Variants in KDM4C observed in about 807,000 individuals in gnomAD.
KDM4C encodes lysine-specific demethylase 4C.
Under a neutral mutation model 129.3 loss-of-function variants are expected in KDM4C, and 81 were observed. That is an observed-to-expected ratio of 0.63 (90% CI 0.52 to 0.75). KDM4C has a LOEUF of 0.75. Ranked by LOEUF, KDM4C falls within the 30% of genes least tolerant of loss-of-function variation. The probability of loss-of-function intolerance (pLI) is 0.00; values close to 1 mark genes in which losing one functional copy is unlikely to be tolerated. For missense variants in KDM4C, 1,457 were observed against 1,304.0 expected, an observed-to-expected ratio of 1.12 and a Z score of -1.81; for synonymous variants, 573 against 456.1, an observed-to-expected ratio of 1.26 and a Z score of -3.26.
At chr9:6,997,573 T>A (rs1303172267) in intron 12 of KDM4C, among the ~76,000 whole-genome samples, 2 of 152,232 alleles carry the variant, frequency 1.3e-5, no homozygotes, top group Non-Finnish European at 2.9e-5. Flanking sequence ...CTCTGGGGCA[T>A]CTGGCACAAG....
chr9:6,724,514 ATATTAT>A (rs1180085719), intron 1 of KDM4C, among the ~76,000 whole-genome samples: 2 of 150,962 alleles, frequency 1.3e-5, no homozygotes, highest in Admixed American at 6.6e-5. Context: ...TAAACTGGAC[ATATTAT>A]TATTATTGTT....
chr9:6,970,876 A>G (rs1831864937), intron 8 of KDM4C, among the ~76,000 whole-genome samples: 1 of 147,750 alleles, frequency 6.8e-6, no homozygotes, highest in Non-Finnish European at 1.5e-5. Flanking sequence ...GGATGAACCA[A>G]AACCGAAATG....
At chr9:6,725,225 G>C (rs556381594) in intron 1 of KDM4C, among the ~76,000 whole-genome samples, 34 of 152,160 alleles carry the variant, frequency 2.2e-4, no homozygotes, top group Admixed American at 1.8e-3. Flanking sequence ...GCATGTTGCA[G>C]GGGTAGAGCG....
chr9:7,027,696 C>T (rs1011545018), intron 15 of KDM4C, among the ~76,000 whole-genome samples: 1 of 152,154 alleles, frequency 6.6e-6, no homozygotes, highest in African/African-American at 2.4e-5. Flanking sequence ...TTGTTGTGGG[C>T]CCAGGTGCGT....
chr9:6,932,894 G>C (rs1824020507), intron 8 of KDM4C, among the ~76,000 whole-genome samples: 3 of 152,200 alleles, frequency 2.0e-5, no homozygotes, highest in Admixed American at 2.0e-4. Flanking sequence ...CAATCATGTA[G>C]AGATTGAGGA....
At chr9:7,032,565 A>G (rs1402239580) in intron 15 of KDM4C, among the ~76,000 whole-genome samples, 1 of 152,168 alleles carries the variant, frequency 6.6e-6, no homozygotes, top group Non-Finnish European at 1.5e-5. Context: ...CTTTATTTCC[A>G]CAGAACTTGA....
chr9:6,831,133 G>A (rs1178962612), intron 4 of KDM4C, among the ~76,000 whole-genome samples: 1 of 152,128 alleles, frequency 6.6e-6, no homozygotes, highest in African/African-American at 2.4e-5. Flanking sequence ...CTAGTCAGTG[G>A]GGGAAGCGGG....
intron 17 of KDM4C, among the ~76,000 whole-genome samples, chr9:7,073,998 C>G (rs916201537): frequency 6.6e-5 from 10 of 152,270 alleles, no homozygotes; most frequent in African/African-American, 2.2e-4. Flanking sequence ...TTAGCATTGA[C>G]AGCTTTTAAA....
chr9:6,763,410 TC>T (rs1273188282), intron 1 of KDM4C, among the ~76,000 whole-genome samples: 5 of 152,184 alleles, frequency 3.3e-5, no homozygotes, highest in African/African-American at 1.2e-4. Context: ...GTTCTCTCAA[TC>T]CTGCACACTG....
intron 8 of KDM4C, among the ~76,000 whole-genome samples, chr9:6,916,274 G>A (rs971516052): frequency 2.0e-5 from 3 of 152,042 alleles, no homozygotes; most frequent in Non-Finnish European, 2.9e-5. Flanking sequence ...GGGAGCCTAT[G>A]AGCATTTTAA....
intron 18 of KDM4C, among the ~76,000 whole-genome samples, chr9:7,109,798 A>T (rs1362521241): frequency 2.0e-5 from 3 of 152,094 alleles, no homozygotes; most frequent in African/African-American, 7.2e-5. Flanking sequence ...TTCTAATTTT[A>T]AACCACTTTT....
chr9:6,764,680 A>G (rs950710600), intron 1 of KDM4C, among the ~76,000 whole-genome samples: 4 of 152,216 alleles, frequency 2.6e-5, no homozygotes, highest in Non-Finnish European at 5.9e-5. Context: ...GCTACTGCAT[A>G]AAGCCTCAAA....
Position 6,810,828 on chromosome 9 carries a change from A to T in KDM4C, c.321-3803A>T, listed in dbSNP as rs150539329. On this transcript the variant is annotated intron_variant, in intron 3 of 21. Coordinates refer to ENST00000381309, the MANE Select transcript of KDM4C (RefSeq NM_015061.6). ...TGAGGCTTCAGTGAGTTGTGATTGC[A>T]CCATTGCCCCCGAGCCTGGGTGACA... Among the ~76,000 whole-genome samples, 1,522 of 152,234 alleles carry T rather than the reference A, an allele frequency of 1.0e-2. 15 individuals carry two copies. The highest frequency in any genetic ancestry group is 0.031 in the African/African-American group (1,281 of 41,540).
intron 4 of KDM4C, among the ~76,000 whole-genome samples, chr9:6,832,428 CTT>C (rs758428561): frequency 9.0e-5 from 12 of 133,732 alleles, no homozygotes; most frequent in Non-Finnish European, 1.5e-4. Flanking sequence ...TCTTTTTTTT[CTT>C]TTTTTTTTTT....
At chr9:6,734,992 T>C (rs1563917156) in intron 1 of KDM4C, 1 of 560,414 alleles carries the variant, frequency 1.8e-6, no homozygotes, top group Non-Finnish European at 3.6e-6. Flanking sequence ...CTCAAGTTGA[T>C]AGGGTTTGGG....
In KDM4C at chr9:6,986,675, C is replaced by T. The variant is rs1817770528; in HGVS notation, c.1677+9C>T. 1 of 1,575,776 alleles carries T rather than the reference C, an allele frequency of 6.3e-7. No homozygotes were observed. Among genetic ancestry groups the T allele is most frequent in the Non-Finnish European group, 8.6e-7 (1 of 1,156,686 alleles). On this transcript the variant is annotated intron_variant, in intron 11 of 21. Transcript: ENST00000381309. Reference sequence around the variant, plus strand: ...GCTTCAAAGTCCCCAGTGTATGTGGCAATATCCATTTTTTACCATATTCAT... The same window carrying T: ...GCTTCAAAGTCCCCAGTGTATGTGGTAATATCCATTTTTTACCATATTCAT...
chr9:6,753,818 TGATAAA>T (rs904093944), upstream of KDM4C, among the ~76,000 whole-genome samples: 86 of 152,164 alleles, frequency 5.7e-4, no homozygotes, highest in African/African-American at 1.9e-3. Flanking sequence ...CATACATATT[TGATAAA>T]GGTAAAGGTA....
rs1817315069 is a variant in KDM4C, at chr9:6,984,373, G to T, written c.1323G>T (p.Glu441Asp). 6.2e-7 allele frequency: 1 copy of T among 1,613,324 alleles called. No homozygotes were observed. The highest frequency in any genetic ancestry group is 1.1e-5 in the South Asian group (1 of 91,024). ...EESSASRMQV[E>D]QNLSDHIKLS... ...CATCTGCTAGCAGGATGCAGGTGGA[G>T]CAGAATTTATCAGATCATATCAAAC... The change falls in exon 10 of 22, where the codon GAG (glutamate) becomes GAT (aspartate). Residue 441 changes from glutamate to aspartate, a missense_variant. By Grantham distance (45) the Glu-to-Asp change is conservative (BLOSUM62 2). Transcript: ENST00000381309.
At position 7,046,031 on chromosome 9, in the gene KDM4C, A is replaced by G. The variant is rs139023444; in HGVS notation, c.2260-831A>G. 9.9e-5 allele frequency among the ~76,000 whole-genome samples: 15 copies of G among 152,182 alleles called. No homozygotes were observed. In the East Asian group the frequency reaches 2.9e-3, roughly 29 times the overall value. ...TAACTTCTACCAATTTAAAAAATGT[A>G]TTAATGCAGAAAATTGAGAGGACAA... On this transcript the variant is annotated intron_variant, in intron 15 of 21. Transcript: ENST00000381309.
Sources: gnomAD v4.1 joint callset for allele counts (sites outside exome capture counted in the v4.1 genomes callset) on GRCh38, gnomAD v4.1.1 for gene constraint, MANE v1.5 for transcripts, NCBI Gene and HGNC (gene_info 2026-07-23, HGNC 2026-07-21) for gene names.